Variants in FSTL4 observed in about 807,000 individuals in gnomAD.
FSTL4 encodes follistatin-related protein 4.
A neutral mutation model predicts 78.2 loss-of-function variants in FSTL4; 28 were observed. The observed-to-expected ratio is 0.36, with a 90% confidence interval of 0.27 to 0.49. The LOEUF is 0.49. Ranked by LOEUF, FSTL4 falls within the 20% of genes least tolerant of loss-of-function variation. The pLI is 0.98. For missense variants in FSTL4, 922 were observed against 1,084.9 expected, an observed-to-expected ratio of 0.85 and a Z score of 2.11; for synonymous variants, 422 against 440.5, an observed-to-expected ratio of 0.96 and a Z score of 0.53.
At chr5:133,624,749 C>CT in the FSTL4 span, among the ~76,000 whole-genome samples, 1 of 151,086 alleles carries the variant, frequency 6.6e-6, no homozygotes, top group Admixed American at 6.6e-5. Flanking sequence ...TACAATTTTT[C>CT]TTTTTTTTCA....
chr5:133,750,006 A>T, the FSTL4 span, among the ~76,000 whole-genome samples: 1 of 152,176 alleles, frequency 6.6e-6, no homozygotes. Flanking sequence ...TCTTCTCTCC[A>T]GGGGGCTCCC....
At chr5:133,815,745 GT>G in the FSTL4 span, among the ~76,000 whole-genome samples, 1 of 152,158 alleles carries the variant, frequency 6.6e-6, no homozygotes, top group African/African-American at 2.4e-5. Flanking sequence ...GTCTGAAAAT[GT>G]TTGGTGTATA....
chr5:133,226,665 TA>T (rs1751345001), intron 8 of FSTL4, among the ~76,000 whole-genome samples: 1 of 152,246 alleles, frequency 6.6e-6, no homozygotes, highest in South Asian at 2.1e-4. Context: ...GATGTAAACA[TA>T]CCTGCATATT....
At chr5:133,334,727 A>T (rs1031023119) in intron 4 of FSTL4, among the ~76,000 whole-genome samples, 1 of 152,130 alleles carries the variant, frequency 6.6e-6, no homozygotes, top group African/African-American at 2.4e-5. Context: ...GCCTAGGTAC[A>T]TGGGGGAGGG....
chr5:133,664,047 C>G, the FSTL4 span, among the ~76,000 whole-genome samples: 21,899 of 152,018 alleles, frequency 0.14, 2,046 homozygotes, highest in African/African-American at 0.26. Context: ...TGTGGGGGCA[C>G]GCTGATTATC....
At chr5:133,559,726 G>A (rs141242483) in intron 3 of FSTL4, among the ~76,000 whole-genome samples, 12 of 152,290 alleles carry the variant, frequency 7.9e-5, no homozygotes, top group East Asian at 7.7e-4. Context: ...TAGCTTGCCC[G>A]TCATAACCAC....
At chr5:133,444,006 C>T (rs1757211953) in intron 3 of FSTL4, among the ~76,000 whole-genome samples, 1 of 152,140 alleles carries the variant, frequency 6.6e-6, no homozygotes, top group South Asian at 2.1e-4. Context: ...TCCTACACAC[C>T]CCCTTCTTTT....
the FSTL4 span, among the ~76,000 whole-genome samples, chr5:133,808,319 A>G: frequency 6.6e-6 from 1 of 152,220 alleles, no homozygotes; most frequent in African/African-American, 2.4e-5. Flanking sequence ...AGAACAGAGG[A>G]GGAGAGTGTC....
the FSTL4 span, among the ~76,000 whole-genome samples, chr5:133,751,776 G>A: frequency 6.6e-6 from 1 of 152,200 alleles, no homozygotes; most frequent in African/African-American, 2.4e-5. Flanking sequence ...TTTGGGAGGT[G>A]CAACAGCAAT....
At chr5:133,394,479 C>T (rs530656637) in intron 4 of FSTL4, among the ~76,000 whole-genome samples, 7 of 152,356 alleles carry the variant, frequency 4.6e-5, no homozygotes, top group South Asian at 2.1e-4. Flanking sequence ...CCCCGGACAG[C>T]GAGGGGCTTA....
chr5:133,347,247 T>A (rs1754716128), intron 4 of FSTL4, among the ~76,000 whole-genome samples: 1 of 152,240 alleles, frequency 6.6e-6, no homozygotes, highest in African/African-American at 2.4e-5. Context: ...GGGCTGCGTG[T>A]GAACTCCCTC....
the FSTL4 span, among the ~76,000 whole-genome samples, chr5:133,627,853 A>C: frequency 6.6e-6 from 1 of 151,570 alleles, no homozygotes; most frequent in Non-Finnish European, 1.5e-5. Flanking sequence ...ATATATTTAT[A>C]TATAATATTT....
intron 6 of FSTL4, among the ~76,000 whole-genome samples, chr5:133,262,249 G>A (rs1752548187): frequency 6.6e-6 from 1 of 152,140 alleles, no homozygotes; most frequent in African/African-American, 2.4e-5. Flanking sequence ...TCTACAGGTC[G>A]CAACTACAGC....
intron 6 of FSTL4, among the ~76,000 whole-genome samples, chr5:133,292,469 T>C (rs1016344350): frequency 6.6e-6 from 1 of 151,892 alleles, no homozygotes; most frequent in African/African-American, 2.4e-5. Flanking sequence ...CCAGGAGGGG[T>C]TGAGTCAGCC....
intron 3 of FSTL4, among the ~76,000 whole-genome samples, chr5:133,500,467 G>A (rs923757782): frequency 1.3e-5 from 2 of 152,078 alleles, no homozygotes; most frequent in South Asian, 4.1e-4. Context: ...TTCACAGAAT[G>A]CCCCACAACA....
rs374235648 is a variant in FSTL4 at position 133,301,797 on chromosome 5, G to A, written c.727+10857C>T. Among the ~76,000 whole-genome samples the A allele has an allele frequency of 7.2e-5, 11 of 152,270 alleles. No homozygotes were observed. The South Asian group carries it at 1.9e-3, about 26-fold the overall frequency. Reference sequence around the variant, plus strand: ...CCTTCCCTGAGAAGATCTAGATGGGGAGTGGGGCACGGGATGGGACTGTTG... The same window carrying A: ...CCTTCCCTGAGAAGATCTAGATGGGAAGTGGGGCACGGGATGGGACTGTTG... On this transcript the variant is annotated intron_variant, in intron 6 of 15. Transcript: ENST00000265342.
chr5:133,621,269 A>C, the FSTL4 span, among the ~76,000 whole-genome samples: 1 of 152,094 alleles, frequency 6.6e-6, no homozygotes, highest in African/African-American at 2.4e-5. Flanking sequence ...GCGTGTTGGC[A>C]TGTGCCTGTA....
At chr5:133,565,965 C>T (rs1267300517) in intron 3 of FSTL4, among the ~76,000 whole-genome samples, 2 of 152,198 alleles carry the variant, frequency 1.3e-5, no homozygotes, top group Non-Finnish European at 1.5e-5. Context: ...CCATTGTGAA[C>T]ACTACTTTCC....
intron 4 of FSTL4, among the ~76,000 whole-genome samples, chr5:133,331,460 C>T (rs187081532): frequency 6.6e-6 from 1 of 152,252 alleles, no homozygotes; most frequent in East Asian, 1.9e-4. Context: ...AGGAACTCCC[C>T]AAATGTTAAC....
Sources: gnomAD v4.1 joint callset for allele counts (sites outside exome capture counted in the v4.1 genomes callset) on GRCh38, gnomAD v4.1.1 for gene constraint, MANE v1.5 for transcripts, NCBI Gene and HGNC (gene_info 2026-07-23, HGNC 2026-07-21) for gene names.